The following CLVS1 variants were observed in gnomAD, a reference collection of about 807,000 sequenced individuals.
CLVS1 encodes the protein clavesin-1.
Under a neutral mutation model 33.1 loss-of-function variants are expected in CLVS1, and 10 were observed. The observed-to-expected ratio is 0.30, with a 90% CI of 0.19 to 0.51. The LOEUF is 0.51. Ranked by LOEUF, CLVS1 falls within the 20% of genes least tolerant of loss-of-function variation. CLVS1 has a pLI of 0.97. For missense variants in CLVS1, 343 were observed against 433.4 expected (o/e 0.79, Z 1.85); for synonymous variants, 163 against 166.1 (o/e 0.98, Z 0.14).
chr8:61,472,714 G>T (rs1231777261), intron 5 of CLVS1, among the ~76,000 whole-genome samples: 5 of 151,958 alleles, frequency 3.3e-5, no homozygotes, highest in Non-Finnish European at 5.9e-5. Context: ...TACACAAGTA[G>T]GATAGAGGGC....
At position 61,213,686 on chromosome 8, in the gene CLVS1, G is replaced by A. The variant is rs533562437; in HGVS notation, c.-152+81826G>A. On this transcript the variant is annotated intron_variant, in intron 2 of 2. Transcript: ENST00000522621. ...CTTAATCCTGTCAGCTGAGGAGGAT[G>A]TATGTTGCCTCAGGACCCTGTAACA... Among the ~76,000 whole-genome samples, 15 of 152,232 alleles carry A rather than the reference G, an allele frequency of 9.9e-5. No individual in the cohort carries two copies. The South Asian group carries it at 2.9e-3, about 29-fold the overall frequency.
At chr8:61,340,169 A>G (rs1015480916) in intron 2 of CLVS1, among the ~76,000 whole-genome samples, 1 of 152,248 alleles carries the variant, frequency 6.6e-6, no homozygotes, top group Non-Finnish European at 1.5e-5. Flanking sequence ...GAAAGTTAAC[A>G]TAAACATTAC....
intron 2 of CLVS1, among the ~76,000 whole-genome samples, chr8:61,351,222 T>TAG (rs1216287394): frequency 2.0e-5 from 3 of 151,920 alleles, no homozygotes; most frequent in Non-Finnish European, 4.4e-5. Context: ...AGTAAAGGAA[T>TAG]AGAAGTTATA....
chr8:61,376,569 A>G (rs1344603859), intron 2 of CLVS1, 36 bp from the exon 3 acceptor site: 6 of 1,598,328 alleles, frequency 3.8e-6, no homozygotes, highest in South Asian at 3.4e-5. Context: ...ACCTGCTCAT[A>G]TTCACACACA....
At chr8:61,101,868 T>C (rs372744531) in intron 1 of CLVS1, among the ~76,000 whole-genome samples, 1 of 152,182 alleles carries the variant, frequency 6.6e-6, no homozygotes, top group East Asian at 1.9e-4. Context: ...AGACTATTCT[T>C]TTATCATTTA....
At chr8:61,337,331 C>T (rs1227708759) in intron 2 of CLVS1, among the ~76,000 whole-genome samples, 1 of 152,180 alleles carries the variant, frequency 6.6e-6, no homozygotes, top group African/African-American at 2.4e-5. Flanking sequence ...TTTTTGCCCT[C>T]TTAGCCTCCG....
At chr8:61,265,477 G>T (rs947350987) in intron 2 of CLVS1, among the ~76,000 whole-genome samples, 4 of 152,088 alleles carry the variant, frequency 2.6e-5, no homozygotes, top group African/African-American at 9.7e-5. Flanking sequence ...TTGAAATTTT[G>T]TGAAGTTTAA....
At chr8:61,351,390 T>A (rs1484915394) in intron 2 of CLVS1, among the ~76,000 whole-genome samples, 1 of 151,882 alleles carries the variant, frequency 6.6e-6, no homozygotes, top group African/African-American at 2.4e-5. Flanking sequence ...ATTTACCCAA[T>A]ATGAACAGAG....
At chr8:61,183,521 G>C (rs950245045) in intron 2 of CLVS1, among the ~76,000 whole-genome samples, 6 of 151,980 alleles carry the variant, frequency 3.9e-5, no homozygotes, top group African/African-American at 4.8e-5. Context: ...TGCATCCTGA[G>C]AGCGGAGGTG....
chr8:61,018,753 G>A, the CLVS1 span, among the ~76,000 whole-genome samples: 1 of 152,206 alleles, frequency 6.6e-6, no homozygotes, highest in Non-Finnish European at 1.5e-5. Flanking sequence ...GGTTGACTTT[G>A]ACTTTGGCAG....
rs1374001815 is a variant in CLVS1, at chr8:61,117,795, T to C, written c.-242-13975T>C. 2.0e-5 allele frequency among the ~76,000 whole-genome samples: 3 copies of C among 152,380 alleles called. No individual in the cohort carries two copies. The East Asian group carries it at 5.8e-4, about 29-fold the overall frequency. ...GTGCCAGTATTTTATTGAGGATTTT[T>C]GCATCAATGTTCATCAAGGATATTG... On this transcript the variant is annotated intron_variant, in intron 1 of 2. Transcript: ENST00000522621.
chr8:61,378,567 C>T (rs111694155), intron 3 of CLVS1, among the ~76,000 whole-genome samples: 5 of 151,470 alleles, frequency 3.3e-5, no homozygotes, highest in South Asian at 2.1e-4. Context: ...GGTTAAGGAA[C>T]AGCCCACCTA....
chr8:61,315,840 A>G (rs1810990912), intron 2 of CLVS1, among the ~76,000 whole-genome samples: 1 of 152,068 alleles, frequency 6.6e-6, no homozygotes, highest in Non-Finnish European at 1.5e-5. Flanking sequence ...TCAACCCATC[A>G]TCTACATTAG....
intron 3 of CLVS1, among the ~76,000 whole-genome samples, chr8:61,449,533 G>T (rs1164705132): frequency 6.6e-6 from 1 of 152,220 alleles, no homozygotes; most frequent in Non-Finnish European, 1.5e-5. Context: ...TTGCTAGCAT[G>T]GTTAGGAAGG....
chr8:61,015,844 TCCCAAAGCTTCCAG>T, the CLVS1 span, among the ~76,000 whole-genome samples: 35 of 152,124 alleles, frequency 2.3e-4, 1 homozygote, highest in South Asian at 1.7e-3. Flanking sequence ...ACCACTTCCA[TCCCAAAGCTTCCAG>T]CCCAAAGCTT....
At chr8:61,253,722 A>T (rs1444361675) in intron 2 of CLVS1, among the ~76,000 whole-genome samples, 1 of 152,192 alleles carries the variant, frequency 6.6e-6, no homozygotes, top group African/African-American at 2.4e-5. Flanking sequence ...TCAGCTACTG[A>T]GGCTTATGCA....
At chr8:61,378,451 G>C (rs964906929) in intron 3 of CLVS1, 61 of 152,290 alleles carry the variant, frequency 4.0e-4, no homozygotes, top group African/African-American at 1.4e-3. Flanking sequence ...AGCTATTCTT[G>C]TGGGAAATAC....
chr8:61,090,132 T>C (rs1805207665), intron 1 of CLVS1, among the ~76,000 whole-genome samples: 1 of 152,222 alleles, frequency 6.6e-6, no homozygotes, highest in Non-Finnish European at 1.5e-5. Flanking sequence ...CATTCAACTT[T>C]TTCCTGTAAG....
chr8:61,030,029 C>T, the CLVS1 span, among the ~76,000 whole-genome samples: 1 of 152,184 alleles, frequency 6.6e-6, no homozygotes, highest in Non-Finnish European at 1.5e-5. Context: ...TGGAGGCCTC[C>T]GTGAAGCTCT....
Sources: gnomAD v4.1 joint callset for allele counts (sites outside exome capture counted in the v4.1 genomes callset) on GRCh38, gnomAD v4.1.1 for gene constraint, MANE v1.5 for transcripts, NCBI Gene and HGNC (gene_info 2026-07-23, HGNC 2026-07-21) for gene names.